Variants in MCF2 observed in about 807,000 individuals in gnomAD.
MCF2 encodes the protein MCF.2 cell line derived transforming sequence, also known as proto-oncogene DBL.
Under a neutral mutation model 82.5 loss-of-function variants are expected in MCF2, and 44 were observed. The observed-to-expected ratio is 0.53, with a 90% CI of 0.42 to 0.69. The LOEUF (loss-of-function observed/expected upper bound fraction) is 0.69, where lower values mean the gene tolerates loss of function less well. Among genes scored for constraint, MCF2 ranks in the 30% least tolerant of loss-of-function variants. The pLI is 0.00. For missense variants in MCF2, 623 were observed against 663.1 expected, an observed-to-expected ratio of 0.94 and a Z score of 0.66; for synonymous variants, 217 against 224.9, an observed-to-expected ratio of 0.96 and a Z score of 0.32.
intron 23 of MCF2, 123 bp from the exon 28 acceptor site, chrX:139,585,301 T>C (rs898640768): frequency 6.6e-6 from 3 of 455,847 alleles, no homozygotes; most frequent in Non-Finnish European, 1.1e-5. Context: ...ACCAATCTAA[T>C]GTAAGCAGCA....
intron 15 of MCF2, 78 bp downstream of exon 19, chrX:139,604,603 C>A: frequency 7.8e-6 from 5 of 638,504 alleles, no homozygotes; most frequent in Non-Finnish European, 9.4e-6. Context: ...CCTATCTTGT[C>A]TCCAAATCTG....
rs6635892 is a variant in MCF2 at position 139,597,372 on chromosome X, C to T, written c.2055+88G>A. 3,731 of 671,451 alleles carry T rather than the reference C, an allele frequency of 5.6e-3. 61 individuals carry two copies. In the African/African-American group the frequency reaches 0.059, roughly 11 times the overall value. The allele number at this position is 671,451 out of a possible 1,213,427, so 55.3% of individuals were successfully genotyped here. A position where few individuals can be genotyped will look rare whatever the true frequency, so the allele number is the denominator to read the frequency against. ...GATCTCCAGTTATCTGATTCTTATA[C>T]GTTATTTCTCAATTGGTTCCAGGAG... On this transcript the variant is annotated intron_variant, in intron 18 of 24. Coordinates refer to ENST00000370576, the Ensembl canonical transcript of MCF2.
Position 139,604,755 on chromosome X carries a change from GAAAATTTCAGAGAAAA to G in MCF2, c.1674-21_1674-6del. 8.5e-7 allele frequency: 1 copy of G among 1,181,299 alleles called. No homozygotes were observed. The highest frequency in any genetic ancestry group is 1.1e-6 in the Non-Finnish European group (1 of 876,138). ...TCCAGGCTGCTCAAGAAAATGCTGT[GAAAATTTCAGAGAAAA>G]AAAATTGCATGATTTTATGTGAAAT... On this transcript the variant is annotated splice_polypyrimidine_tract_variant and splice_region_variant and intron_variant, in intron 14 of 24. Coordinates refer to ENST00000370576, the Ensembl canonical transcript of MCF2.
At chrX:139,704,592 G>A (rs1666859520) in intron 1 of MCF2, among the ~76,000 whole-genome samples, 1 of 110,915 alleles carries the variant, frequency 9.0e-6, no homozygotes, top group African/African-American at 3.3e-5. Flanking sequence ...AATAACCTGT[G>A]GAAATGAAAA....
chrX:139,626,582 A>G lies in MCF2; in HGVS notation c.572+41T>C. The G allele has an allele frequency of 2.6e-6, 3 of 1,147,382 alleles. No individual in the cohort carries two copies. In the South Asian group the frequency reaches 5.8e-5, roughly 22 times the overall value. 94.6% of individuals were successfully genotyped at this position (1,147,382 alleles called of 1,213,427 possible). A position where few individuals can be genotyped will look rare whatever the true frequency, so the allele number is the denominator to read the frequency against. ...AAAAATGTATAATTTCCTTTCAAAA[A>G]TATAAAATAAGTAACTCTAAACCAA... On this transcript the variant is annotated intron_variant, in intron 5 of 24. Coordinates refer to ENST00000370576, the Ensembl canonical transcript of MCF2.
intron 1 of MCF2, among the ~76,000 whole-genome samples, chrX:139,687,049 AAC>A (rs756515027): frequency 1.3e-3 from 55 of 41,921 alleles, no homozygotes; most frequent in African/African-American, 3.1e-3. Context: ...GCACACACAC[AAC>A]ACACACACAC....
upstream of MCF2, among the ~76,000 whole-genome samples, chrX:139,644,053 G>C (rs1272185130): frequency 2.7e-5 from 3 of 112,054 alleles, no homozygotes; most frequent in Non-Finnish European, 3.8e-5. Flanking sequence ...TAAAAGACCG[G>C]AGCAAGGGAA....
At chrX:139,656,085 G>A (rs921593478) in intron 1 of MCF2, among the ~76,000 whole-genome samples, 1 of 111,504 alleles carries the variant, frequency 9.0e-6, no homozygotes, top group Non-Finnish European at 1.9e-5. Context: ...GTTTTGAGAC[G>A]GAGTCTCGCT....
At chrX:139,626,368 A>G in intron 5 of MCF2, 61 bp from the exon 9 acceptor site, 1 of 724,026 alleles carries the variant, frequency 1.4e-6, no homozygotes, top group South Asian at 2.6e-5. Context: ...AAGTATGTAG[A>G]TAAGTGTGGT....
At chrX:139,637,092 C>T (rs911791774) in intron 1 of MCF2, among the ~76,000 whole-genome samples, 1 of 111,790 alleles carries the variant, frequency 8.9e-6, no homozygotes, top group African/African-American at 3.2e-5. Flanking sequence ...TACATAATAA[C>T]ATTTACAATA....
intron 1 of MCF2, among the ~76,000 whole-genome samples, chrX:139,661,088 T>A (rs1259186686): frequency 9.0e-6 from 1 of 111,679 alleles, no homozygotes; most frequent in Non-Finnish European, 1.9e-5. Flanking sequence ...TAATAGATAA[T>A]GAGACATGTA....
intron 19 of MCF2, among the ~76,000 whole-genome samples, chrX:139,594,386 C>A: frequency 9.0e-6 from 1 of 111,286 alleles, no homozygotes; most frequent in Middle Eastern, 4.6e-3. Flanking sequence ...AGATATAGAT[C>A]AATGGAACAG....
At chrX:139,627,020 C>A (rs2148483915) in intron 4 of MCF2, among the ~76,000 whole-genome samples, 1 of 112,094 alleles carries the variant, frequency 8.9e-6, no homozygotes, top group East Asian at 2.8e-4. Context: ...GCAGAAGTAC[C>A]ATGTGCTCTA....
intron 1 of MCF2, among the ~76,000 whole-genome samples, chrX:139,667,192 A>C (rs202202165): frequency 3.9e-4 from 37 of 94,443 alleles, no homozygotes; most frequent in East Asian, 2.7e-3. Context: ...CAATATTTTG[A>C]ATTCTTTTTT....
At chrX:139,598,305 T>C (rs1930268990) in intron 17 of MCF2, 101 bp downstream of exon 21, 2 of 525,729 alleles carry the variant, frequency 3.8e-6, no homozygotes, top group South Asian at 6.0e-5. Context: ...TCATTGAGCC[T>C]ACCTATTTCT....
At chrX:139,634,522 G>T (rs1933089739) in intron 1 of MCF2, among the ~76,000 whole-genome samples, 1 of 111,822 alleles carries the variant, frequency 8.9e-6, no homozygotes, top group Non-Finnish European at 1.9e-5. Flanking sequence ...GTGGCAATGA[G>T]AACTAGAGTA....
chrX:139,615,379 G>C (rs771992643), intron 9 of MCF2, among the ~76,000 whole-genome samples: 1 of 111,681 alleles, frequency 9.0e-6, no homozygotes, highest in African/African-American at 3.2e-5. Context: ...TTCCTGTTTA[G>C]CATAAGAAAG....
At chrX:139,626,587 A>G (rs986626353) in intron 5 of MCF2, 36 bp downstream of exon 8, 1 of 1,161,066 alleles carries the variant, frequency 8.6e-7, no homozygotes. Context: ...CAAAAATATA[A>G]AATAAGTAAC....
At chrX:139,616,594 T>G in intron 8 of MCF2, 121 bp from the exon 12 acceptor site, 3 of 357,271 alleles carry the variant, frequency 8.4e-6, no homozygotes, top group Non-Finnish European at 1.4e-5. Flanking sequence ...CTTTCAGAGC[T>G]GTTAAAAAAA....
Sources: allele counts gnomAD v4.1 joint callset (sites outside exome capture counted in the v4.1 genomes callset), GRCh38; gene constraint gnomAD v4.1.1; transcripts MANE v1.5; gene names NCBI Gene and HGNC (gene_info 2026-07-23, HGNC 2026-07-21).